Variants in DESI2 observed in about 807,000 individuals in gnomAD.
The protein encoded by DESI2 is desumoylating isopeptidase 2.
Under a neutral mutation model 24.1 loss-of-function variants are expected in DESI2, and 10 were observed. The observed-to-expected ratio is 0.41, with a 90% CI of 0.26 to 0.70. The LOEUF (loss-of-function observed/expected upper bound fraction) is 0.70. DESI2 is among the 30% of genes least tolerant of loss of function. The pLI, the probability that DESI2 is intolerant of heterozygous loss-of-function variation, is 0.29. For missense variants in DESI2, 122 were observed against 234.9 expected (o/e 0.52, Z 3.14); for synonymous variants, 71 against 87.7 (o/e 0.81, Z 1.06).
chr1:244,699,578 C>CAAAAAAAAAAAAAAAAAAAAA (rs559295405), intron 4 of DESI2, among the ~76,000 whole-genome samples: 1 of 66,194 alleles, frequency 1.5e-5, no homozygotes, highest in African/African-American at 5.2e-5. Context: ...GAGACTGTCT[C>CAAAAAAAAAAAAAAAAAAAAA]AAAAAAAAAA....
At chr1:244,697,770 A>G (rs1384447403) in intron 4 of DESI2, among the ~76,000 whole-genome samples, 1 of 152,174 alleles carries the variant, frequency 6.6e-6, no homozygotes, top group Non-Finnish European at 1.5e-5. Flanking sequence ...CCCGGAAGAA[A>G]GAAAAAAGGC....
At chr1:244,703,222 G>A (rs905350733) in intron 4 of DESI2, among the ~76,000 whole-genome samples, 5 of 151,998 alleles carry the variant, frequency 3.3e-5, no homozygotes, top group Admixed American at 6.6e-5. Context: ...GGCTGGTCTC[G>A]AACTGCTGAC....
At chr1:244,653,876 A>C (rs1675553394) in intron 1 of DESI2, 1 of 468,034 alleles carries the variant, frequency 2.1e-6, no homozygotes, top group Admixed American at 2.4e-5. Flanking sequence ...TTCAAAGGTG[A>C]ACAGGAGCCA....
intron 1 of DESI2, chr1:244,656,401 G>A (rs1031351419): frequency 3.9e-5 from 6 of 152,236 alleles, no homozygotes; most frequent in African/African-American, 1.4e-4. Flanking sequence ...TGGAAGAAGA[G>A]TGTGATCCTC....
At position 244,680,020 on chromosome 1, in the gene DESI2, C is replaced by CTT. The variant is rs147614472; in HGVS notation, c.43-6562_43-6561dup. Among the ~76,000 whole-genome samples the CTT allele has an allele frequency of 1.6e-4, 13 of 81,842 alleles. 1 individual carries two copies. Among genetic ancestry groups the CTT allele is most frequent in the East Asian group, 5.0e-4 (1 of 2,010 alleles). 53.7% of individuals were successfully genotyped at this position (81,842 alleles called of 152,430 possible). ...TGTTCCAATAATGGTTCTTTTTAGC[C>CTT]TTTTTTTTTTTTTTTTAAACAAAAA... On this transcript the variant is annotated intron_variant, in intron 1 of 4. Coordinates refer to ENST00000302550, the MANE Select transcript of DESI2 (RefSeq NM_016076.5).
At chr1:244,653,424 C>G in intron 1 of DESI2, 69 bp downstream of exon 1, 1 of 1,476,308 alleles carries the variant, frequency 6.8e-7, no homozygotes, top group Non-Finnish European at 9.0e-7. Context: ...GGGGCTCGGA[C>G]CCCGGCCCCA....
Position 244,663,046 on chromosome 1 carries a change from G to A in DESI2, c.42+9691G>A, listed in dbSNP as rs748387393. On this transcript the variant is annotated intron_variant, in intron 1 of 4. Coordinates refer to ENST00000302550, the MANE Select transcript of DESI2 (RefSeq NM_016076.5). ...TTCCTAATTTTTAACTAGAAAGGGA[G>A]TTAGATTGGGAACTAAAGAGAAAAC... 1.4e-4 allele frequency among the ~76,000 whole-genome samples: 22 copies of A among 152,128 alleles called. 1 individual carries two copies. Among genetic ancestry groups the A allele is most frequent in the Admixed American group, 1.0e-3 (16 of 15,274 alleles).
At chr1:244,692,839 G>C (rs1677078385) in intron 4 of DESI2, among the ~76,000 whole-genome samples, 1 of 152,134 alleles carries the variant, frequency 6.6e-6, no homozygotes, top group South Asian at 2.1e-4. Context: ...CTAGTAATTT[G>C]TGAGATATGT....
At chr1:244,686,327 C>T (rs1573213007) in intron 1 of DESI2, among the ~76,000 whole-genome samples, 1 of 151,858 alleles carries the variant, frequency 6.6e-6, no homozygotes, top group African/African-American at 2.4e-5. Flanking sequence ...TCTCCCCCCA[C>T]CGCCCCACAA....
At chr1:244,691,131 C>G (rs1220484334) in intron 3 of DESI2, among the ~76,000 whole-genome samples, 4 of 152,228 alleles carry the variant, frequency 2.6e-5, no homozygotes, top group African/African-American at 9.6e-5. Context: ...CTCTGTCACC[C>G]TGGCTGGAGT....
At chr1:244,659,869 A>G (rs981652442) in intron 1 of DESI2, among the ~76,000 whole-genome samples, 13 of 152,268 alleles carry the variant, frequency 8.5e-5, no homozygotes, top group Admixed American at 6.5e-4. Context: ...GTTTCATCAT[A>G]GCAGTCACTC....
intron 1 of DESI2, among the ~76,000 whole-genome samples, chr1:244,659,769 C>T (rs1459085088): frequency 6.6e-6 from 1 of 152,194 alleles, no homozygotes; most frequent in Non-Finnish European, 1.5e-5. Context: ...AACATGTTCA[C>T]AGGTTCTGGG....
At chr1:244,653,450 G>T in intron 1 of DESI2, 95 bp downstream of exon 1, 1 of 1,327,096 alleles carries the variant, frequency 7.5e-7, no homozygotes, top group Non-Finnish European at 1.0e-6. Context: ...TTCCTGCCTG[G>T]CGTCTCCGCC....
At chr1:244,692,139 A>G (rs758709334) in intron 4 of DESI2, 119 bp downstream of exon 4, 23 of 899,222 alleles carry the variant, frequency 2.6e-5, no homozygotes, top group Non-Finnish European at 3.5e-5. Flanking sequence ...GTTGTATGAA[A>G]TATGGTATTG....
chr1:244,663,406 G>C (rs1393726715), intron 1 of DESI2, among the ~76,000 whole-genome samples: 1 of 151,896 alleles, frequency 6.6e-6, no homozygotes, highest in Non-Finnish European at 1.5e-5. Flanking sequence ...TCGATCTCCT[G>C]ACCTCGTGAT....
At chr1:244,665,251 G>A (rs1009412010) in intron 1 of DESI2, among the ~76,000 whole-genome samples, 2 of 151,880 alleles carry the variant, frequency 1.3e-5, no homozygotes, top group Admixed American at 6.6e-5. Flanking sequence ...ATGAAACTGA[G>A]GCCTAGTTGA....
At position 244,689,208 on chromosome 1, in the gene DESI2, T is replaced by C; in HGVS notation, c.116-41T>C. 1.0e-6 allele frequency: 1 copy of C among 974,106 alleles called. No individual in the cohort carries two copies. Among genetic ancestry groups the C allele is most frequent in the African/African-American group, 1.6e-5 (1 of 61,830 alleles). 60.3% of individuals were successfully genotyped at this position (974,106 alleles called of 1,614,324 possible). ...CTAATTCAGCATTCTGGTTAAATTT[T>C]ATGTGATACATACTAAAAATCATGA... On this transcript the variant is annotated intron_variant, in intron 2 of 4. Transcript: ENST00000302550. This position sits in a 1 kb window ranked among gnomAD's most constrained non-coding sequence, Gnocchi z 4.0.
intron 1 of DESI2, among the ~76,000 whole-genome samples, chr1:244,659,275 A>G (rs529338216): frequency 6.6e-6 from 1 of 152,284 alleles, no homozygotes; most frequent in Non-Finnish European, 1.5e-5. Context: ...TATTGCAGCA[A>G]TAACAAGTTG....
intron 1 of DESI2, among the ~76,000 whole-genome samples, chr1:244,662,882 A>G (rs1002135908): frequency 6.6e-6 from 1 of 152,186 alleles, no homozygotes; most frequent in Admixed American, 6.5e-5. Flanking sequence ...ACAGCAAGAA[A>G]CAAGAGAAGT....
Sources: allele counts gnomAD v4.1 joint callset (sites outside exome capture counted in the v4.1 genomes callset), GRCh38; gene constraint gnomAD v4.1.1; non-coding constraint Gnocchi (gnomAD v3.1); transcripts MANE v1.5; gene names NCBI Gene and HGNC (gene_info 2026-07-23, HGNC 2026-07-21).